Variants in DCLK1 observed in about 807,000 individuals in gnomAD.
DCLK1 encodes the protein serine/threonine-protein kinase DCLK1.
Under a neutral mutation model 86.2 loss-of-function variants are expected in DCLK1, and 16 were observed. The observed-to-expected ratio is 0.19, with a 90% CI of 0.13 to 0.28. DCLK1 has a LOEUF of 0.28. Ranked by LOEUF, DCLK1 falls within the 10% of genes least tolerant of loss-of-function variation. The probability of loss-of-function intolerance (pLI) is 1.00; values close to 1 mark genes in which losing one functional copy is unlikely to be tolerated. For missense variants in DCLK1, 590 were observed against 940.2 expected (o/e 0.63, Z 4.87); for synonymous variants, 369 against 370.5 (o/e 1.00, Z 0.05).
At chr13:35,843,384 C>G (rs1045534774) in intron 6 of DCLK1, among the ~76,000 whole-genome samples, 15 of 152,302 alleles carry the variant, frequency 9.8e-5, no homozygotes, top group Admixed American at 9.2e-4. Flanking sequence ...CATAAAAGCA[C>G]TGCCCTAAGT....
intron 3 of DCLK1, among the ~76,000 whole-genome samples, chr13:35,949,637 T>C (rs1877557238): frequency 6.6e-6 from 1 of 152,214 alleles, no homozygotes; most frequent in African/African-American, 2.4e-5. Flanking sequence ...AACATCTGAT[T>C]GCTAACCACA....
At chr13:35,970,395 A>G (rs958561392) in intron 3 of DCLK1, among the ~76,000 whole-genome samples, 10 of 152,220 alleles carry the variant, frequency 6.6e-5, no homozygotes, top group African/African-American at 2.4e-4. Flanking sequence ...AAAAGAATAA[A>G]AATGGTTAAT....
At chr13:35,865,474 T>C (rs1490272585) in intron 5 of DCLK1, among the ~76,000 whole-genome samples, 1 of 152,186 alleles carries the variant, frequency 6.6e-6, no homozygotes, top group Non-Finnish European at 1.5e-5. Flanking sequence ...TCTTTACTCT[T>C]TTCATGTGTT....
chr13:35,808,075 G>T (rs779480957), intron 14 of DCLK1, 149 bp downstream of exon 14: 8 of 734,772 alleles, frequency 1.1e-5, no homozygotes, highest in African/African-American at 3.5e-5. Context: ...TGATGACTGT[G>T]AAATCTTGGA....
intron 3 of DCLK1, among the ~76,000 whole-genome samples, chr13:35,980,390 G>T (rs1156624580): frequency 1.3e-5 from 2 of 152,100 alleles, no homozygotes; most frequent in Non-Finnish European, 2.9e-5. Flanking sequence ...AGGAGGTGGG[G>T]GTTGCAGTGA....
chr13:35,823,757 A>G (rs4444209), intron 10 of DCLK1, among the ~76,000 whole-genome samples: 49,586 of 152,048 alleles, frequency 0.33, 9,339 homozygotes, highest in African/African-American at 0.53. Context: ...AACTGTGATC[A>G]TCTGTTACCT....
chr13:35,778,011 G>T (rs2086455408), intron 16 of DCLK1, among the ~76,000 whole-genome samples: 1 of 152,196 alleles, frequency 6.6e-6, no homozygotes, highest in African/African-American at 2.4e-5. Context: ...TCGTCTCTGT[G>T]TTTTCCACAG....
At chr13:35,989,451 T>C (rs1045730314) in intron 3 of DCLK1, among the ~76,000 whole-genome samples, 2 of 152,086 alleles carry the variant, frequency 1.3e-5, no homozygotes, top group Admixed American at 6.6e-5. Context: ...TTTGTATTTT[T>C]AGTAGAGATG....
chr13:35,817,984 T>C (rs7318530), intron 11 of DCLK1, among the ~76,000 whole-genome samples: 41,815 of 152,042 alleles, frequency 0.28, 6,479 homozygotes, highest in African/African-American at 0.42. Context: ...TTTTGGACCT[T>C]TATAGAGCCA....
intron 11 of DCLK1, among the ~76,000 whole-genome samples, chr13:35,819,226 T>C (rs1273296214): frequency 6.6e-6 from 1 of 152,148 alleles, no homozygotes; most frequent in Admixed American, 6.5e-5. Context: ...AGGGGTATTT[T>C]TTATTGGGTC....
chr13:35,853,099 G>C (rs998752582), intron 6 of DCLK1, among the ~76,000 whole-genome samples: 4 of 152,158 alleles, frequency 2.6e-5, no homozygotes, highest in South Asian at 2.1e-4. Flanking sequence ...TTCACTCAAG[G>C]ACAGGCCTTT....
chr13:36,025,087 C>T (rs532217075), intron 3 of DCLK1, among the ~76,000 whole-genome samples: 1 of 152,110 alleles, frequency 6.6e-6, no homozygotes, highest in South Asian at 2.1e-4. Context: ...CCTGCCTCAG[C>T]CTCCTGAGTA....
intron 4 of DCLK1, among the ~76,000 whole-genome samples, chr13:35,914,379 A>ATACATATATATATATATATATATG (rs1875281772): frequency 8.2e-6 from 1 of 122,490 alleles, no homozygotes; most frequent in African/African-American, 3.0e-5. Flanking sequence ...GTATATATAT[A>ATACATATATATATATATATATATG]TATATATATA....
chr13:35,940,177 C>T (rs141064535), intron 4 of DCLK1, among the ~76,000 whole-genome samples: 2,058 of 149,040 alleles, frequency 0.014, 56 homozygotes, highest in African/African-American at 0.049. Context: ...GCCGAGATCA[C>T]GCCACTGCAC....
chr13:35,986,216 C>T (rs960461075), intron 3 of DCLK1, among the ~76,000 whole-genome samples: 4 of 135,330 alleles, frequency 3.0e-5, no homozygotes, highest in South Asian at 2.5e-4. Context: ...GCAGGAGAAT[C>T]GTTTGAACCT....
intron 1 of DCLK1, among the ~76,000 whole-genome samples, chr13:36,126,513 G>A (rs770271300): frequency 4.2e-4 from 63 of 151,286 alleles, no homozygotes; most frequent in Admixed American, 1.1e-3. Flanking sequence ...ATCCTCCCCC[G>A]CCCCCCAACC....
intron 3 of DCLK1, among the ~76,000 whole-genome samples, chr13:36,064,019 G>A (rs1365933555): frequency 6.6e-6 from 1 of 152,058 alleles, no homozygotes; most frequent in Non-Finnish European, 1.5e-5. Context: ...ATAATAATCA[G>A]GTAAAATGAG....
At chr13:36,056,555 A>T (rs1196387955) in intron 3 of DCLK1, among the ~76,000 whole-genome samples, 1 of 141,978 alleles carries the variant, frequency 7.0e-6, no homozygotes, top group Admixed American at 7.1e-5. Flanking sequence ...AGCATGGCAC[A>T]TGTATACATA....
rs74044099 is a variant in DCLK1 at position 35,827,593 on chromosome 13, G to A, written c.1407+42C>T. The A allele has an allele frequency of 3.8e-3, 6,068 of 1,610,282 alleles. 126 individuals carry two copies. In the African/African-American group the frequency reaches 0.056, roughly 15 times the overall value. ...AGAGCTCTAGAATATAGGCAAGTGC[G>A]GTGCCATCAATAAAGACTTACTTTC... On this transcript the variant is annotated intron_variant, in intron 10 of 16. Transcript: ENST00000360631.
Sources: gnomAD v4.1 joint callset for allele counts (sites outside exome capture counted in the v4.1 genomes callset) on GRCh38, gnomAD v4.1.1 for gene constraint, MANE v1.5 for transcripts, NCBI Gene and HGNC (gene_info 2026-07-23, HGNC 2026-07-21) for gene names.